Variants in APOL3 observed in about 807,000 individuals in gnomAD.
APOL3 encodes apolipoprotein L3, also known as TNF-inducible protein CG12-1.
Under a neutral mutation model 11.6 loss-of-function variants are expected in APOL3, and 14 were observed. That is an observed-to-expected ratio of 1.21 (90% CI 0.80 to 1.89). APOL3 has a LOEUF of 1.89. APOL3 is among the 40% of genes most tolerant of loss of function. The pLI is 0.00. For missense variants in APOL3, 483 were observed against 492.1 expected (o/e 0.98, Z 0.17); for synonymous variants, 192 against 190.6 (o/e 1.01, Z -0.06).
intron 1 of APOL3, among the ~76,000 whole-genome samples, chr22:36,158,209 G>A (rs1476824517): frequency 2.6e-5 from 4 of 152,186 alleles, no homozygotes; most frequent in Non-Finnish European, 5.9e-5. Context: ...CATTAGATAA[G>A]CCAAACCTAA....
At chr22:36,142,991 T>C (rs1205595995) in intron 2 of APOL3, among the ~76,000 whole-genome samples, 2 of 152,178 alleles carry the variant, frequency 1.3e-5, no homozygotes, top group African/African-American at 4.8e-5. Context: ...TTGAGCAGCT[T>C]GTTAGGCCAG....
At chr22:36,146,527 C>G (rs1006189705) in intron 1 of APOL3, 14 of 151,482 alleles carry the variant, frequency 9.2e-5, no homozygotes, top group Admixed American at 7.9e-4. Context: ...AGTGAGTATT[C>G]TTTTGTAAGA....
rs2013626614 is a variant in APOL3, at chr22:36,160,710, G to A, written c.182C>T (p.Thr61Ile). 1.2e-6 allele frequency: 2 copies of A among 1,613,990 alleles called. No homozygotes were observed. Among genetic ancestry groups the A allele is most frequent in the Non-Finnish European group, 1.7e-6 (2 of 1,179,980 alleles). Residue 61 changes from threonine (T) to isoleucine (I), a missense_variant, in exon 1 of 3, where the codon ACA (threonine) becomes ATA (isoleucine). Physicochemically the swap from Thr to Ile is moderately conservative, Grantham distance 89. It introduces an in-frame stop codon into an upstream open reading frame of the 5' UTR. Coordinates refer to ENST00000349314, the Ensembl canonical transcript of APOL3. ...GAAAGAGTGTGAGCAAGATCCAGCT[G>A]TTCTGAGCTGTGTGGATCCCACCTC...
Position 36,141,897 on chromosome 22 carries a change from C to T in APOL3, c.512G>A (p.Arg171His), listed in dbSNP as rs577244594. The change falls in exon 3 of 3, where the codon CGT becomes CAT. Residue 171 changes from arginine (R) to histidine (H), a missense_variant. Transcript: ENST00000349314. ...CTCTTCAATACCATTTGCAAGGGCACGAAGCTTTTCTATGGACTCCTGGAT... is the reference window on the plus strand; with the variant it reads ...CTCTTCAATACCATTTGCAAGGGCATGAAGCTTTTCTATGGACTCCTGGAT... 39 of 1,614,228 alleles carry T rather than the reference C, an allele frequency of 2.4e-5. No individual in the cohort carries two copies. The highest frequency in any genetic ancestry group is 3.3e-4 in the Middle Eastern group (2 of 6,062).
chr22:36,154,321 T>G, intron 1 of APOL3: 1 of 234,290 alleles, frequency 4.3e-6, no homozygotes, highest in South Asian at 5.2e-5. Flanking sequence ...ATTGTGATTA[T>G]TATGATCATG....
At chr22:36,149,408 G>A in intron 1 of APOL3, 2 of 1,294,120 alleles carry the variant, frequency 1.5e-6, no homozygotes, top group Non-Finnish European at 2.0e-6. Flanking sequence ...CAGAGGAAGG[G>A]ATGGACATCT....
chr22:36,160,562 A>G (rs1046022769), intron 1 of APOL3, 107 bp downstream of exon 1: 1 of 1,199,064 alleles, frequency 8.3e-7, no homozygotes, highest in Non-Finnish European at 1.2e-6. Context: ...GACCTCAGTC[A>G]GTTACCTAAC....
exon 3 of APOL3, chr22:36,140,894 A>C: frequency 1.2e-4 from 33 of 272,110 alleles, no homozygotes; most frequent in Non-Finnish European, 1.6e-4. Flanking sequence ...GTTCCTGCAC[A>C]CCTCCCCTCT....
chr22:36,156,212 A>G (rs973003234), intron 1 of APOL3, among the ~76,000 whole-genome samples: 3 of 151,964 alleles, frequency 2.0e-5, no homozygotes, highest in Admixed American at 1.3e-4. Flanking sequence ...CTCCTGCCTC[A>G]TCCTTCTGAG....
intron 1 of APOL3, chr22:36,159,233 C>T (rs1404394938): frequency 6.6e-6 from 1 of 152,232 alleles, no homozygotes; most frequent in African/African-American, 2.4e-5. Flanking sequence ...TTTCCCCTGA[C>T]TCGCACTGCC....
At chr22:36,141,677 G>A (rs61731692) in exon 3 of APOL3, 229,487 of 1,613,972 alleles carry the variant, frequency 0.14, 17,701 homozygotes, top group Non-Finnish European at 0.15. Context: ...CTGATGATGT[G>A]TATGAGTGCT....
At chr22:36,145,838 G>A (rs2060181166) in intron 1 of APOL3, among the ~76,000 whole-genome samples, 1 of 151,980 alleles carries the variant, frequency 6.6e-6, no homozygotes, top group Admixed American at 6.6e-5. Context: ...TTTAAAGAGA[G>A]TCGTAAGGGT....
intron 1 of APOL3, among the ~76,000 whole-genome samples, chr22:36,155,112 G>A (rs1238736622): frequency 6.6e-6 from 1 of 152,188 alleles, no homozygotes; most frequent in Non-Finnish European, 1.5e-5. Flanking sequence ...TGGAAACATT[G>A]ACTCTAGAGA....
chr22:36,145,556 C>G (rs774788124), exon 2 of APOL3: 2 of 1,614,134 alleles, frequency 1.2e-6, no homozygotes, highest in South Asian at 1.1e-5. Context: ...GGCTGACTCT[C>G]TCCCGGAAGT....
chr22:36,157,269 C>T (rs552109035), intron 1 of APOL3, among the ~76,000 whole-genome samples: 1 of 152,330 alleles, frequency 6.6e-6, no homozygotes, highest in Non-Finnish European at 1.5e-5. Flanking sequence ...GTCCATGACA[C>T]TCTTATGCAG....
intron 1 of APOL3, among the ~76,000 whole-genome samples, chr22:36,150,596 T>C (rs923918002): frequency 6.6e-6 from 1 of 152,076 alleles, no homozygotes; most frequent in Non-Finnish European, 1.5e-5. Context: ...AATGGACCAG[T>C]TGTGGTGGCT....
At chr22:36,152,637 T>A (rs1002714945) in intron 1 of APOL3, among the ~76,000 whole-genome samples, 3 of 152,192 alleles carry the variant, frequency 2.0e-5, no homozygotes, top group Non-Finnish European at 2.9e-5. Flanking sequence ...GGCACTGTTA[T>A]CATCTTAATA....
chr22:36,141,597 C>T lies in APOL3; in HGVS notation c.812G>A (p.Arg271His), dbSNP rs200732493. The change falls in exon 3 of 3, where the codon CGT becomes CAT. Residue 271 changes from arginine to histidine, a missense_variant. By Grantham distance (29) the Arg-to-His change is conservative. Coordinates refer to ENST00000349314, the Ensembl canonical transcript of APOL3. ...GGAAAGTAAGTTGGGTGTGATGTCACGCATAACTTCCTTAAATACCTTCAA... is the reference window on the plus strand; with the variant it reads ...GGAAAGTAAGTTGGGTGTGATGTCATGCATAACTTCCTTAAATACCTTCAA... 1.8e-5 allele frequency: 29 copies of T among 1,614,192 alleles called. No individual in the cohort carries two copies. Among genetic ancestry groups the T allele is most frequent in the African/African-American group, 1.1e-4 (8 of 75,044 alleles).
intron 1 of APOL3, among the ~76,000 whole-genome samples, chr22:36,151,817 G>C (rs1036690763): frequency 6.6e-6 from 1 of 152,270 alleles, no homozygotes; most frequent in African/African-American, 2.4e-5. Flanking sequence ...ACCAGGTGTG[G>C]TGATGCATGC....
Sources: gnomAD v4.1 joint callset for allele counts (sites outside exome capture counted in the v4.1 genomes callset) on GRCh38, gnomAD v4.1.1 for gene constraint, MANE v1.5 for transcripts, NCBI Gene and HGNC (gene_info 2026-07-23, HGNC 2026-07-21) for gene names.